The following PNPLA4 variants were observed in gnomAD, a reference collection of about 807,000 sequenced individuals.
The protein encoded by PNPLA4 is patatin like domain 4, phospholipase and triacylglycerol lipase, also known as patatin-like phospholipase domain-containing protein 4.
PNPLA4 carries 15 observed loss-of-function variants against 18.3 expected under a neutral mutation model. The ratio of observed to expected loss-of-function variants is 0.82; its 90% confidence interval spans 0.55 to 1.26. PNPLA4 has a LOEUF of 1.26. Ranked by LOEUF, PNPLA4 falls within the 50% of genes most tolerant of loss-of-function variation. The pLI, the probability that PNPLA4 is intolerant of heterozygous loss-of-function variation, is 0.00. For missense variants in PNPLA4, 229 were observed against 196.8 expected, an observed-to-expected ratio of 1.16 and a Z score of -0.98; for synonymous variants, 88 against 85.6, an observed-to-expected ratio of 1.03 and a Z score of -0.16.
At chrX:7,905,186 CT>C (rs1400827967) in intron 5 of PNPLA4, among the ~76,000 whole-genome samples, 1 of 112,561 alleles carries the variant, frequency 8.9e-6, no homozygotes, top group Non-Finnish European at 1.9e-5. Context: ...TGATTGTTCT[CT>C]GAAAGTTATA....
rs1006658727 is a variant in PNPLA4, at chrX:7,907,812, C to A, written c.477+4216G>T. On this transcript the variant is annotated intron_variant, in intron 5 of 6. Coordinates refer to ENST00000381042, the MANE Select transcript of PNPLA4 (RefSeq NM_004650.3). ...CATAGCTCACTGTAGCCTCAACCTC[C>A]CCAGGCTCAGGTGATCCTCCCACCT... Among the ~76,000 whole-genome samples, 3 of 109,202 alleles carry A rather than the reference C, an allele frequency of 2.7e-5. No homozygotes were observed. In the East Asian group the frequency reaches 8.5e-4, roughly 31 times the overall value. 94.8% of individuals were successfully genotyped at this position (109,202 alleles called of 115,157 possible).
chrX:7,921,950 G>C (rs1924235076), intron 3 of PNPLA4, 54 bp downstream of exon 3: 4 of 1,121,146 alleles, frequency 3.6e-6, no homozygotes, highest in Non-Finnish European at 4.9e-6. Flanking sequence ...TTTGTACAGA[G>C]AGTCGTCAAC....
rs1923482881 is a variant in PNPLA4, at chrX:7,900,115, T to G, written c.*571A>C. ...AGGCCTCCTCAGTCATGTGGAACTG[T>G]GAGCCCATTAAACCTTTCTTTTGTA... On this transcript the variant is annotated 3_prime_UTR_variant, in exon 7 of 7. Transcript: ENST00000381042. 3 of 115,447 alleles carry G rather than the reference T, an allele frequency of 2.6e-5. No homozygotes were observed. In the Admixed American group the frequency reaches 2.8e-4, roughly 11 times the overall value. 9.5% of individuals were successfully genotyped at this position (115,447 alleles called of 1,213,427 possible).
intron 6 of PNPLA4, among the ~76,000 whole-genome samples, chrX:7,901,307 C>T (rs12116171): frequency 0.099 from 11,103 of 111,853 alleles, 457 homozygotes; most frequent in Admixed American, 0.16. Context: ...CTGGGCCAGG[C>T]GTGGTGGCTG....
intron 1 of PNPLA4, among the ~76,000 whole-genome samples, chrX:7,927,005 C>T (rs1268675312): frequency 8.8e-6 from 1 of 113,000 alleles, no homozygotes; most frequent in Non-Finnish European, 1.9e-5. Context: ...GTTCCTGATG[C>T]ACCCGGCCAG....
At chrX:7,922,129 G>C in intron 2 of PNPLA4, 31 bp from the exon 3 acceptor site, 2 of 1,006,062 alleles carry the variant, frequency 2.0e-6, no homozygotes, top group Non-Finnish European at 2.8e-6. Flanking sequence ...AGTGACCCTA[G>C]GTGTTGTAAA....
At position 7,900,775 on chromosome X, in the gene PNPLA4, G is replaced by C; in HGVS notation, c.673C>G (p.Pro225Ala). The C allele has an allele frequency of 8.3e-7, 1 of 1,203,863 alleles. No individual in the cohort carries two copies. The highest frequency in any genetic ancestry group is 2.2e-5 in the Admixed American group (1 of 45,627). Residue 225 changes from proline (P) to alanine (A), a missense_variant, in exon 7 of 7, where the codon CCC (proline) becomes GCC (alanine). Transcript: ENST00000381042. ...GATTCCATTTTCCTCTTGCTTGGGG[G>C]AAAAAGGGCTTGGTTGAGTCTCACC... The part of the protein sequence containing the change: ...NLVRLNQALF[P>A]PSKRKMESLY...
rs1229939423 is a variant in PNPLA4 at position 7,900,568 on chromosome X, C to A, written c.*118G>T. On this transcript the variant is annotated 3_prime_UTR_variant, in exon 7 of 7. Transcript: ENST00000381042. ...ATAATTCAAATATTAAAAATAAACA[C>A]AAATATTACAAGGAGTAATACAATT... The A allele has an allele frequency of 6.5e-6, 3 of 464,454 alleles. No homozygotes were observed. The highest frequency in any genetic ancestry group is 1.0e-5 in the Non-Finnish European group (3 of 288,505). 38.3% of individuals were successfully genotyped at this position (464,454 alleles called of 1,213,427 possible).
intron 4 of PNPLA4, 139 bp from the exon 5 acceptor site, chrX:7,912,232 A>G (rs753929079): frequency 2.5e-6 from 1 of 394,405 alleles, no homozygotes; most frequent in Non-Finnish European, 4.5e-6. Flanking sequence ...GTAATTACAT[A>G]AAAGATAACA....
intron 4 of PNPLA4, among the ~76,000 whole-genome samples, chrX:7,913,767 C>T (rs968765460): frequency 8.9e-6 from 1 of 112,766 alleles, no homozygotes; most frequent in Admixed American, 9.3e-5. Context: ...CGTGCAAATG[C>T]ACAGGTCATA....
At chrX:7,925,879 T>C (rs1924376972) in intron 2 of PNPLA4, 61 bp downstream of exon 2, 1 of 963,643 alleles carries the variant, frequency 1.0e-6, no homozygotes, top group East Asian at 3.1e-5. Flanking sequence ...TCAATGCTGG[T>C]GTTTGCCTTT....
intron 5 of PNPLA4, among the ~76,000 whole-genome samples, chrX:7,905,545 T>C (rs758785715): frequency 4.2e-4 from 47 of 112,290 alleles, no homozygotes; most frequent in Admixed American, 1.6e-3. Flanking sequence ...TCTTAAGGTA[T>C]ATTTTGCTCA....
At chrX:7,907,519 A>G (rs1569104282) in intron 5 of PNPLA4, among the ~76,000 whole-genome samples, 1 of 112,305 alleles carries the variant, frequency 8.9e-6, no homozygotes, top group Admixed American at 9.5e-5. Context: ...CTGTGGATTT[A>G]TTCTACCACT....
rs1013802731 is a variant in PNPLA4 at position 7,898,915 on chromosome X, T to C, written c.*1771A>G. On this transcript the variant is annotated 3_prime_UTR_variant, in exon 7 of 7. Transcript: ENST00000381042. ...TTTAAGGGTACATCAACAAGGAATT[T>C]ATTGAAATACAGTGTATCATACAAA... 10 of 112,104 alleles carry C rather than the reference T, an allele frequency of 8.9e-5. No homozygotes were observed. The highest frequency in any genetic ancestry group is 2.8e-4 in the Admixed American group (3 of 10,592). The allele number at this position is 112,104 out of a possible 1,213,427, so 9.2% of individuals were successfully genotyped here.
intron 4 of PNPLA4, among the ~76,000 whole-genome samples, chrX:7,914,608 G>A (rs112377757): frequency 0.014 from 1,530 of 112,138 alleles, 24 homozygotes; most frequent in African/African-American, 0.046. Flanking sequence ...TGTAGATAGC[G>A]TACATATTGT....
At chrX:7,902,760 AAG>A (rs765495198) in intron 5 of PNPLA4, among the ~76,000 whole-genome samples, 1 of 111,662 alleles carries the variant, frequency 9.0e-6, no homozygotes, top group Non-Finnish European at 1.9e-5. Flanking sequence ...AAGAAAATGA[AAG>A]AGTCTTGGGG....
upstream of PNPLA4, chrX:7,927,679 A>T (rs1211191052): frequency 8.9e-6 from 1 of 112,759 alleles, no homozygotes; most frequent in Non-Finnish European, 1.9e-5. Flanking sequence ...ACCTGCGAGC[A>T]ACTGACCTTT....
At chrX:7,904,897 A>G (rs1923659563) in intron 5 of PNPLA4, among the ~76,000 whole-genome samples, 1 of 111,979 alleles carries the variant, frequency 8.9e-6, no homozygotes, top group Non-Finnish European at 1.9e-5. Flanking sequence ...TTCATCACAT[A>G]TCACCATCAT....
At chrX:7,914,906 A>G (rs1351776942) in intron 4 of PNPLA4, among the ~76,000 whole-genome samples, 1 of 112,062 alleles carries the variant, frequency 8.9e-6, no homozygotes, top group Non-Finnish European at 1.9e-5. Flanking sequence ...GAACTGGAAA[A>G]TACTTGTCAC....
Sources: gnomAD v4.1 joint callset for allele counts (sites outside exome capture counted in the v4.1 genomes callset) on GRCh38, gnomAD v4.1.1 for gene constraint, MANE v1.5 for transcripts, NCBI Gene and HGNC (gene_info 2026-07-23, HGNC 2026-07-21) for gene names.